Variants in ADTRP observed in about 807,000 individuals in gnomAD.
ADTRP encodes androgen dependent TFPI regulating protein.
A neutral mutation model predicts 27.0 loss-of-function variants in ADTRP; 20 were observed. The observed-to-expected ratio is 0.74, with a 90% CI of 0.52 to 1.08. ADTRP has a LOEUF of 1.08. Among genes scored for constraint, ADTRP ranks in the 50% least tolerant of loss-of-function variants. The probability of loss-of-function intolerance (pLI) is 0.00; values close to 1 mark genes in which losing one functional copy is unlikely to be tolerated. For synonymous variants in ADTRP, 101 were observed against 105.2 expected, an observed-to-expected ratio of 0.96 and a Z score of 0.25; for missense variants, 251 against 275.0, an observed-to-expected ratio of 0.91 and a Z score of 0.62.
Position 11,776,121 on chromosome 6 carries a change from A to C in ADTRP, c.153+2486T>G, listed in dbSNP as rs115671929. 6.5e-3 allele frequency among the ~76,000 whole-genome samples: 990 copies of C among 152,324 alleles called. 15 individuals are homozygous for C. The highest frequency in any genetic ancestry group is 0.023 in the African/African-American group (952 of 41,564). On this transcript the variant is annotated intron_variant, in intron 1 of 5. Transcript: ENST00000414691. The stretch of plus-strand genomic sequence containing the variant: ...AAGCAACATATTCGAAATCTACATT[A>C]AATCGATCCTCTGAAATACACTCAA...
chr6:11,735,320 CGA>C (rs973193386), intron 4 of ADTRP, among the ~76,000 whole-genome samples: 3 of 152,094 alleles, frequency 2.0e-5, no homozygotes, highest in Non-Finnish European at 2.9e-5. Flanking sequence ...TAATTCTTCA[CGA>C]GAGAGAGAGG....
intron 3 of ADTRP, among the ~76,000 whole-genome samples, chr6:11,743,043 C>A (rs1304500665): frequency 6.6e-6 from 1 of 152,226 alleles, no homozygotes; most frequent in African/African-American, 2.4e-5. Context: ...AGGAAACCAT[C>A]CCCAGCCCTT....
intron 4 of ADTRP, 46 bp from the exon 5 acceptor site, chr6:11,723,546 AC>A: frequency 2.5e-6 from 4 of 1,603,760 alleles, no homozygotes; most frequent in Non-Finnish European, 3.4e-6. Context: ...GAGGAGAAAA[AC>A]AAGCCATTTT....
At chr6:11,753,392 C>T (rs780713367) in intron 3 of ADTRP, among the ~76,000 whole-genome samples, 6 of 152,118 alleles carry the variant, frequency 3.9e-5, no homozygotes, top group Admixed American at 1.3e-4. Flanking sequence ...GTGCTCTAAA[C>T]GTCACCATCT....
chr6:11,756,344 A>AATG, intron 3 of ADTRP, among the ~76,000 whole-genome samples: 1 of 152,134 alleles, frequency 6.6e-6, no homozygotes, highest in South Asian at 2.1e-4. Context: ...AAATAATAAT[A>AATG]ATAATAATAA....
chr6:11,731,698 C>T (rs1282633517), intron 4 of ADTRP, among the ~76,000 whole-genome samples: 4 of 152,134 alleles, frequency 2.6e-5, no homozygotes, highest in African/African-American at 7.2e-5. Flanking sequence ...ATGCCTTCCA[C>T]AGTGCCCTTC....
intron 3 of ADTRP, chr6:11,736,633 C>G (rs1347229427): frequency 6.6e-6 from 1 of 152,582 alleles, no homozygotes; most frequent in Non-Finnish European, 1.5e-5. Flanking sequence ...ACTGTGCCTT[C>G]TCTCCCTGGG....
chr6:11,736,056 G>A (rs1164654116), intron 3 of ADTRP: 8 of 164,042 alleles, frequency 4.9e-5, no homozygotes, highest in African/African-American at 7.2e-5. Flanking sequence ...TCTGCCTCCC[G>A]GGTTCAAGCA....
intron 1 of ADTRP, among the ~76,000 whole-genome samples, chr6:11,774,885 G>A (rs1218683471): frequency 6.6e-6 from 1 of 152,204 alleles, no homozygotes; most frequent in African/African-American, 2.4e-5. Flanking sequence ...TAGCATTTGT[G>A]GAGGACTCAG....
At chr6:11,740,209 CT>C (rs1762673129) in intron 3 of ADTRP, among the ~76,000 whole-genome samples, 1 of 152,162 alleles carries the variant, frequency 6.6e-6, no homozygotes. Flanking sequence ...GAATTAGTTC[CT>C]GATATTGGCT....
chr6:11,714,498 G>A lies in ADTRP; in HGVS notation c.673C>T (p.Pro225Ser). ...NHWKWGDMRQ[P>S]RKKRK ...TGCAATTACTTCCTCTTCTTCCGTG[G>A]CTGCCTCATGTCACCTGTACAAACA... The change falls in exon 6 of 6, where the codon CCA (proline) becomes TCA (serine). Residue 225 changes from proline (P) to serine (S), a missense_variant. Pro to Ser is a moderately conservative substitution (Grantham distance 74). Transcript: ENST00000414691. The A allele has an allele frequency of 6.2e-7, 1 of 1,613,566 alleles. No homozygotes were observed. Among genetic ancestry groups the A allele is most frequent in the Non-Finnish European group, 8.5e-7 (1 of 1,179,842 alleles).
intron 4 of ADTRP, among the ~76,000 whole-genome samples, chr6:11,729,490 C>T (rs2294429): frequency 0.074 from 11,243 of 152,166 alleles, 803 homozygotes; most frequent in South Asian, 0.17. Context: ...GCTCCTTCCC[C>T]CTCCTGTCCC....
At chr6:11,741,746 G>A (rs1762726512) in intron 3 of ADTRP, among the ~76,000 whole-genome samples, 1 of 151,286 alleles carries the variant, frequency 6.6e-6, no homozygotes, top group Non-Finnish European at 1.5e-5. Flanking sequence ...TGGGATCTTA[G>A]GACCCTACAA....
At position 11,713,760 on chromosome 6, in the gene ADTRP, G is replaced by A. The variant is rs1190568152; in HGVS notation, c.*718C>T. 6.6e-6 allele frequency: 1 copy of A among 152,172 alleles called. No homozygotes were observed. Among genetic ancestry groups the A allele is most frequent in the Non-Finnish European group, 1.5e-5 (1 of 68,042 alleles). The allele number at this position is 152,172 out of a possible 1,614,324, so 9.4% of individuals were successfully genotyped here. ...GTCACTATGTTTGATGTTTATACCT[G>A]CCCTGAATGCTTGCTCAGAAGAGAA... On this transcript the variant is annotated 3_prime_UTR_variant, in exon 6 of 6. Coordinates refer to ENST00000414691, the MANE Select transcript of ADTRP (RefSeq NM_032744.4).
In ADTRP at chr6:11,769,992, T is replaced by C. The variant is rs1033148482; in HGVS notation, c.154-1609A>G. ...TACGAGCCAAGTCCTATCATTAGAC[T>C]CCCCCGCCCACCACCATTTTACAAA... On this transcript the variant is annotated intron_variant, in intron 1 of 5. Transcript: ENST00000414691. 4.5e-6 allele frequency: 7 copies of C among 1,548,910 alleles called. No homozygotes were observed. The East Asian group carries it at 7.3e-5, about 16-fold the overall frequency.
chr6:11,719,920 C>T lies in ADTRP; in HGVS notation c.658+3429G>A, dbSNP rs570711834. 5.6e-4 allele frequency among the ~76,000 whole-genome samples: 85 copies of T among 152,188 alleles called. No individual in the cohort carries two copies. In the South Asian group the frequency reaches 0.016, roughly 29 times the overall value. ...ACTGTATGCCAGGTCCTGCTGTAGG[C>T]GCTAGATCCTCAGCAAGTCATCTGA... is the stretch of plus-strand genomic sequence containing the variant. On this transcript the variant is annotated intron_variant, in intron 5 of 5. Coordinates refer to ENST00000414691, the MANE Select transcript of ADTRP (RefSeq NM_032744.4).
intron 4 of ADTRP, among the ~76,000 whole-genome samples, chr6:11,727,833 A>G (rs1333696069): frequency 6.6e-6 from 1 of 151,816 alleles, no homozygotes; most frequent in African/African-American, 2.4e-5. Context: ...GAATGAGGAC[A>G]GAGTCACACT....
At chr6:11,741,666 G>A (rs1381949832) in intron 3 of ADTRP, among the ~76,000 whole-genome samples, 6 of 151,950 alleles carry the variant, frequency 3.9e-5, no homozygotes, top group Non-Finnish European at 5.9e-5. Flanking sequence ...AAGGAATCCA[G>A]CCTGGTGAAG....
chr6:11,715,475 T>C (rs1043574347), intron 5 of ADTRP, among the ~76,000 whole-genome samples: 7 of 152,162 alleles, frequency 4.6e-5, no homozygotes, highest in African/African-American at 1.7e-4. Flanking sequence ...CTCATGGCTA[T>C]CCTTGTATTC....
Sources: allele counts gnomAD v4.1 joint callset (sites outside exome capture counted in the v4.1 genomes callset), GRCh38; gene constraint gnomAD v4.1.1; transcripts MANE v1.5; gene names NCBI Gene and HGNC (gene_info 2026-07-23, HGNC 2026-07-21).